KCNT2: variants seen among roughly 807,000 people sequenced by gnomAD.
KCNT2 encodes the protein potassium sodium-activated channel subfamily T member 2.
KCNT2 carries 67 observed loss-of-function variants against 153.8 expected under a neutral mutation model. That is an observed-to-expected ratio of 0.44 (90% CI 0.36 to 0.53). KCNT2 has a LOEUF of 0.53. KCNT2 is among the 20% of genes least tolerant of loss of function. The pLI, the probability that KCNT2 is intolerant of heterozygous loss-of-function variation, is 0.00. For synonymous variants in KCNT2, 500 were observed against 458.8 expected, an observed-to-expected ratio of 1.09 and a Z score of -1.15; for missense variants, 975 against 1,354.8, an observed-to-expected ratio of 0.72 and a Z score of 4.40.
At chr1:196,439,846 A>G (rs1675065784) in intron 8 of KCNT2, among the ~76,000 whole-genome samples, 1 of 151,986 alleles carries the variant, frequency 6.6e-6, no homozygotes, top group South Asian at 2.1e-4. Context: ...ATATAATAAC[A>G]CATGGACACT....
chr1:196,384,815 C>A (rs1669823938), intron 13 of KCNT2, among the ~76,000 whole-genome samples: 1 of 151,536 alleles, frequency 6.6e-6, no homozygotes, highest in Non-Finnish European at 1.5e-5. Context: ...TAAAATCATC[C>A]CTTGAATTAG....
At chr1:196,428,951 G>C (rs1461299874) in intron 9 of KCNT2, among the ~76,000 whole-genome samples, 1 of 151,052 alleles carries the variant, frequency 6.6e-6, no homozygotes, top group East Asian at 2.0e-4. Flanking sequence ...CCATCCCTTT[G>C]CAACCTCCCT....
At chr1:196,584,218 C>A (rs1435092365) in intron 1 of KCNT2, among the ~76,000 whole-genome samples, 2 of 53,370 alleles carry the variant, frequency 3.7e-5, no homozygotes, top group African/African-American at 5.1e-5. Flanking sequence ...CCGCCCAAAC[C>A]CTCCATAATT....
intron 22 of KCNT2, among the ~76,000 whole-genome samples, chr1:196,296,568 T>C (rs1660693914): frequency 6.6e-6 from 1 of 152,060 alleles, no homozygotes; most frequent in Non-Finnish European, 1.5e-5. Flanking sequence ...TCTGAGCCTG[T>C]ATCCAATTAG....
chr1:196,566,248 C>T (rs901599940), intron 1 of KCNT2, among the ~76,000 whole-genome samples: 1 of 151,818 alleles, frequency 6.6e-6, no homozygotes, highest in Non-Finnish European at 1.5e-5. Flanking sequence ...ACCTTCCTGG[C>T]AGGAAATTTG....
chr1:196,313,819 T>C (rs1253220210), intron 21 of KCNT2, among the ~76,000 whole-genome samples: 1 of 151,578 alleles, frequency 6.6e-6, no homozygotes, highest in Non-Finnish European at 1.5e-5. Flanking sequence ...TTTTGAAAAA[T>C]TCTGCTCAAA....
At chr1:196,333,107 T>TG (rs558407857) in intron 17 of KCNT2, among the ~76,000 whole-genome samples, 182 of 150,066 alleles carry the variant, frequency 1.2e-3, no homozygotes, top group Non-Finnish European at 2.0e-3. Context: ...TTTTTTTTTT[T>TG]TTGTTTGTTT....
chr1:196,236,930 G>A (rs1571747176), intron 26 of KCNT2, among the ~76,000 whole-genome samples: 1 of 151,338 alleles, frequency 6.6e-6, no homozygotes, highest in East Asian at 1.9e-4. Flanking sequence ...CCTCCCATGG[G>A]TAAAGTTTTC....
At chr1:196,450,707 A>G (rs1676083061) in intron 8 of KCNT2, among the ~76,000 whole-genome samples, 1 of 151,850 alleles carries the variant, frequency 6.6e-6, no homozygotes, top group Admixed American at 6.6e-5. Flanking sequence ...TCTTTCCTGG[A>G]GTCCCACAGT....
rs1214489019 is a variant in KCNT2, at chr1:196,228,324, C to T, written c.3308G>A (p.Arg1103Gln). Residue 1103 changes from arginine (R) to glutamine (Q), a missense_variant, in exon 28 of 28, where the codon CGA becomes CAA. Transcript: ENST00000294725. ...IELNDVVYLI[R>Q]PDPLAYLPNS... ...TGGAAGGTAGGCCAGTGGATCTGGTCGAATTAAGTATCTAATAAAAGAAAA... is the reference window on the plus strand; with the variant it reads ...TGGAAGGTAGGCCAGTGGATCTGGTTGAATTAAGTATCTAATAAAAGAAAA... 4.4e-6 allele frequency: 7 copies of T among 1,589,618 alleles called. No homozygotes were observed. Among genetic ancestry groups the T allele is most frequent in the East Asian group, 2.3e-5 (1 of 44,434 alleles).
chr1:196,316,679 C>T (rs1662758491), intron 20 of KCNT2, among the ~76,000 whole-genome samples: 1 of 151,420 alleles, frequency 6.6e-6, no homozygotes, highest in Admixed American at 6.6e-5. Context: ...GAAGTAATTG[C>T]TAAAGTAGGA....
chr1:196,316,102 T>C (rs1298530031), intron 20 of KCNT2, 76 bp from the exon 21 acceptor site: 4 of 1,353,682 alleles, frequency 3.0e-6, no homozygotes, highest in Non-Finnish European at 4.1e-6. Flanking sequence ...AGTCTAGCAC[T>C]ATCCCCTGTG....
intron 27 of KCNT2, among the ~76,000 whole-genome samples, chr1:196,228,772 T>C (rs1305426465): frequency 6.6e-6 from 1 of 152,152 alleles, no homozygotes; most frequent in Non-Finnish European, 1.5e-5. Context: ...TACTTAACTG[T>C]TCTTTGTCTT....
At chr1:196,246,759 C>T (rs1033316963) in intron 26 of KCNT2, among the ~76,000 whole-genome samples, 4 of 151,490 alleles carry the variant, frequency 2.6e-5, no homozygotes, top group Admixed American at 1.3e-4. Flanking sequence ...TATTTCAAAT[C>T]AAAAAACATA....
intron 26 of KCNT2, among the ~76,000 whole-genome samples, chr1:196,250,886 G>T (rs1420542312): frequency 6.6e-6 from 1 of 151,992 alleles, no homozygotes; most frequent in Non-Finnish European, 1.5e-5. Flanking sequence ...CAATGTCACT[G>T]ATCATCAGAG....
intron 10 of KCNT2, 127 bp downstream of exon 10, chr1:196,427,978 A>T: frequency 3.4e-6 from 2 of 596,202 alleles, no homozygotes; most frequent in Non-Finnish European, 2.9e-6. Flanking sequence ...TTCTTCATTT[A>T]CTCCTTCTAT....
At chr1:196,464,512 G>C (rs903702334) in intron 8 of KCNT2, among the ~76,000 whole-genome samples, 2 of 151,812 alleles carry the variant, frequency 1.3e-5, no homozygotes, top group Non-Finnish European at 2.9e-5. Context: ...ACTAGTGTAT[G>C]TGTGCATTTT....
At chr1:196,575,001 T>C (rs1395662799) in intron 1 of KCNT2, among the ~76,000 whole-genome samples, 2 of 152,190 alleles carry the variant, frequency 1.3e-5, no homozygotes, top group Non-Finnish European at 2.9e-5. Context: ...ATTTATATAC[T>C]AAATTTCATG....
intron 10 of KCNT2, among the ~76,000 whole-genome samples, chr1:196,427,819 G>T (rs1673787723): frequency 6.6e-6 from 1 of 151,762 alleles, no homozygotes; most frequent in African/African-American, 2.4e-5. Flanking sequence ...TCTACCCAAG[G>T]GAGAAAAAGC....
Sources: allele counts gnomAD v4.1 joint callset (sites outside exome capture counted in the v4.1 genomes callset), GRCh38; gene constraint gnomAD v4.1.1; transcripts MANE v1.5; gene names NCBI Gene and HGNC (gene_info 2026-07-23, HGNC 2026-07-21).